The following INPP5A variants were observed in gnomAD, a reference collection of about 807,000 sequenced individuals.
INPP5A encodes the protein inositol polyphosphate-5-phosphatase A, also known as 43 kDa inositol polyphosphate 5-phophatase.
A neutral mutation model predicts 65.2 loss-of-function variants in INPP5A; 14 were observed. That is an observed-to-expected ratio of 0.21 (90% confidence interval 0.14 to 0.34). The LOEUF is 0.34. Among genes scored for constraint, INPP5A ranks in the 10% least tolerant of loss-of-function variants. The probability of loss-of-function intolerance (pLI) is 1.00; values close to 1 mark genes in which losing one functional copy is unlikely to be tolerated. For synonymous variants in INPP5A, 207 were observed against 208.3 expected, an observed-to-expected ratio of 0.99 and a Z score of 0.05; for missense variants, 431 against 545.6, an observed-to-expected ratio of 0.79 and a Z score of 2.09.
At chr10:132,740,454 C>T (rs1205578646) in intron 9 of INPP5A, among the ~76,000 whole-genome samples, 8 of 152,148 alleles carry the variant, frequency 5.3e-5, no homozygotes, top group African/African-American at 1.7e-4. Flanking sequence ...TTTATATTCA[C>T]GTTCACCATG....
intron 4 of INPP5A, among the ~76,000 whole-genome samples, chr10:132,670,837 T>G (rs1244167077): frequency 1.4e-5 from 2 of 141,732 alleles, no homozygotes; most frequent in African/African-American, 2.6e-5. Context: ...GGCAGTGTCT[T>G]TCTTTCTTTT....
In INPP5A at chr10:132,687,516, T is replaced by C. The variant is rs112697908; in HGVS notation, c.307-2876T>C. Among the ~76,000 whole-genome samples, 777 of 152,370 alleles carry C rather than the reference T, an allele frequency of 5.1e-3. 9 individuals are homozygous for C. Among genetic ancestry groups the C allele is most frequent in the African/African-American group, 0.018 (750 of 41,590 alleles). ...TCTGGCTTTCCCGTGGAGGCAGAGA[T>C]GCTGCCTGCTGCACCCTAGACCCAC... On this transcript the variant is annotated intron_variant, in intron 4 of 15. Coordinates refer to ENST00000368594, the MANE Select transcript of INPP5A (RefSeq NM_005539.5).
chr10:132,716,342 T>C (rs1037712730), intron 8 of INPP5A, among the ~76,000 whole-genome samples: 8 of 152,252 alleles, frequency 5.3e-5, no homozygotes, highest in Non-Finnish European at 1.0e-4. Context: ...ACTTTTATTA[T>C]GTGCCAGCTG....
At chr10:132,600,749 A>T (rs1433925799) in intron 1 of INPP5A, among the ~76,000 whole-genome samples, 2 of 152,254 alleles carry the variant, frequency 1.3e-5, no homozygotes, top group Non-Finnish European at 2.9e-5. Context: ...GAATCATGAC[A>T]GGAGACAAAA....
intron 8 of INPP5A, among the ~76,000 whole-genome samples, chr10:132,717,910 A>G (rs1382047578): frequency 1.1e-4 from 12 of 104,634 alleles, no homozygotes; most frequent in African/African-American, 4.1e-4. Context: ...GTTCTGTGGT[A>G]CCTGGGTTCT....
intron 1 of INPP5A, among the ~76,000 whole-genome samples, chr10:132,568,903 T>C (rs2071304449): frequency 6.6e-6 from 1 of 151,608 alleles, no homozygotes; most frequent in African/African-American, 2.4e-5. Flanking sequence ...CAATATGTTC[T>C]TACCGGCATT....
intron 1 of INPP5A, among the ~76,000 whole-genome samples, chr10:132,581,290 C>T (rs1445011791): frequency 6.6e-6 from 1 of 152,148 alleles, no homozygotes; most frequent in African/African-American, 2.4e-5. Context: ...AGTTTCCTGT[C>T]CGGCCTCAGG....
chr10:132,764,937 C>T (rs1322322806), intron 11 of INPP5A, among the ~76,000 whole-genome samples: 50 of 104,246 alleles, frequency 4.8e-4, no homozygotes, highest in African/African-American at 9.5e-4. Context: ...GGAGGGTGTG[C>T]GTGGTGACAC....
chr10:132,624,419 A>G (rs997445334), intron 2 of INPP5A, among the ~76,000 whole-genome samples: 5 of 152,026 alleles, frequency 3.3e-5, no homozygotes, highest in African/African-American at 4.8e-5. Flanking sequence ...CGCCCTCACC[A>G]GCACACCTGC....
intron 2 of INPP5A, among the ~76,000 whole-genome samples, chr10:132,613,777 A>G (rs2071991831): frequency 6.6e-6 from 1 of 152,186 alleles, no homozygotes. Flanking sequence ...CCAGGGCTGG[A>G]TCAGACACCT....
At chr10:132,656,122 C>T (rs2072653967) in intron 4 of INPP5A, among the ~76,000 whole-genome samples, 1 of 152,252 alleles carries the variant, frequency 6.6e-6, no homozygotes, top group Admixed American at 6.5e-5. Context: ...CCAGGACTGT[C>T]CTGACCGGAC....
At chr10:132,750,857 G>A (rs950069129) in intron 11 of INPP5A, among the ~76,000 whole-genome samples, 7 of 152,198 alleles carry the variant, frequency 4.6e-5, no homozygotes, top group South Asian at 2.1e-4. Flanking sequence ...GGGAGTGGCC[G>A]GGGGAGAGGT....
intron 1 of INPP5A, among the ~76,000 whole-genome samples, chr10:132,571,933 G>A (rs1013748414): frequency 7.2e-5 from 11 of 152,180 alleles, no homozygotes; most frequent in African/African-American, 2.7e-4. Flanking sequence ...AGAGTGGGCC[G>A]CACCCTGACC....
rs2071397769 is a variant in INPP5A, at chr10:132,575,027, G to T, written c.76-32888G>T. On this transcript the variant is annotated intron_variant, in intron 1 of 15. Transcript: ENST00000368594. The surrounding 1 kb of genome is among the most constrained non-coding windows in gnomAD (Gnocchi z 5.4). ...AAACGCAAAGCACACCTCAGCATAT[G>T]GTCTGCGGAGTCCTCCCGGGGGCTC... Among the ~76,000 whole-genome samples the T allele has an allele frequency of 6.6e-6, 1 of 152,162 alleles. No individual in the cohort carries two copies. The highest frequency in any genetic ancestry group is 2.4e-5 in the African/African-American group (1 of 41,424).
intron 8 of INPP5A, among the ~76,000 whole-genome samples, chr10:132,717,600 G>C (rs1845763835): frequency 6.6e-6 from 1 of 150,810 alleles, no homozygotes; most frequent in Non-Finnish European, 1.5e-5. Flanking sequence ...GGGTTCTGTG[G>C]TACCTGGGTT....
In INPP5A at chr10:132,712,964, A is replaced by G. The variant is rs554482049; in HGVS notation, c.647+2508A>G. 3.5e-5 allele frequency among the ~76,000 whole-genome samples: 5 copies of G among 143,790 alleles called. No individual in the cohort carries two copies. The East Asian group carries it at 1.1e-3, about 31-fold the overall frequency. The allele number at this position is 143,790 out of a possible 152,430, so 94.3% of individuals were successfully genotyped here. ...TGTGGGCGTGTGGGTGTGTGGGTGC[A>G]TGTGGATCTGTGTGGATGCATGTGT... On this transcript the variant is annotated intron_variant, in intron 8 of 15. Transcript: ENST00000368594.
Position 132,616,458 on chromosome 10 carries a change from G to T in INPP5A, c.117+8502G>T, listed in dbSNP as rs999916078. Among the ~76,000 whole-genome samples, 7 of 152,118 alleles carry T rather than the reference G, an allele frequency of 4.6e-5. No individual in the cohort carries two copies. Among genetic ancestry groups the T allele is most frequent in the African/African-American group, 9.7e-5 (4 of 41,430 alleles). On this transcript the variant is annotated intron_variant, in intron 2 of 15. Transcript: ENST00000368594. This position sits in a 1 kb window ranked among gnomAD's most constrained non-coding sequence, Gnocchi z 4.9. ...GTGGTATTGGGAACATGGTGGTGAC[G>T]CAGGATGTGGTGGTGGTGTAGAATG...
chr10:132,724,865 C>T (rs896749920), intron 8 of INPP5A, among the ~76,000 whole-genome samples: 1 of 146,480 alleles, frequency 6.8e-6, no homozygotes, highest in Non-Finnish European at 1.5e-5. Flanking sequence ...TACTCACTCT[C>T]CAGAACTCAC....
chr10:132,551,736 G>A lies in INPP5A; in HGVS notation c.75+13565G>A, dbSNP rs2071053140. On this transcript the variant is annotated intron_variant, in intron 1 of 15. Transcript: ENST00000368594. This position sits in a 1 kb window ranked among gnomAD's most constrained non-coding sequence, Gnocchi z 5.3. ...TGGGCCCAGGCTGGAGGGACGTGGG[G>A]TGGGAATGGGCCTGACCAGCTAGGG... 6.6e-6 allele frequency among the ~76,000 whole-genome samples: 1 copy of A among 152,212 alleles called. No homozygotes were observed. The highest frequency in any genetic ancestry group is 6.5e-5 in the Admixed American group (1 of 15,290).
Sources: allele counts gnomAD v4.1 joint callset (sites outside exome capture counted in the v4.1 genomes callset), GRCh38; gene constraint gnomAD v4.1.1; non-coding constraint Gnocchi (gnomAD v3.1); transcripts MANE v1.5; gene names NCBI Gene and HGNC (gene_info 2026-07-23, HGNC 2026-07-21).